GORASP2: variants seen among roughly 807,000 people sequenced by gnomAD.
GORASP2 encodes the protein golgi reassembly stacking protein 2.
In GORASP2, 22 loss-of-function variants were observed where a neutral mutation model predicts 45.7. That is an observed-to-expected ratio of 0.48 (90% confidence interval 0.34 to 0.69). GORASP2 has a LOEUF of 0.69. GORASP2 is among the 30% of genes least tolerant of loss of function. The pLI, the probability that GORASP2 is intolerant of heterozygous loss-of-function variation, is 0.01. For missense variants in GORASP2, 491 were observed against 562.7 expected, an observed-to-expected ratio of 0.87 and a Z score of 1.29; for synonymous variants, 221 against 215.6, an observed-to-expected ratio of 1.02 and a Z score of -0.22.
At chr2:170,937,585 C>G (rs955596277) in intron 1 of GORASP2, among the ~76,000 whole-genome samples, 12 of 152,008 alleles carry the variant, frequency 7.9e-5, no homozygotes, top group African/African-American at 2.9e-4. Flanking sequence ...GGAAGGATTG[C>G]TTGAGCCCAG....
chr2:170,937,079 G>A lies in GORASP2; in HGVS notation c.63+7676G>A, dbSNP rs145574500. On this transcript the variant is annotated intron_variant, in intron 1 of 9. Transcript: ENST00000234160. ...AAGAATTAGACCGGCATGATGGCGC[G>A]TGCCTGTAATCCCAGCTACTCAGGA... Among the ~76,000 whole-genome samples the A allele has an allele frequency of 1.5e-3, 235 of 152,068 alleles. 2 individuals are homozygous for A. The highest frequency in any genetic ancestry group is 5.5e-3 in the African/African-American group (227 of 41,494).
intron 1 of GORASP2, among the ~76,000 whole-genome samples, chr2:170,940,925 T>C (rs1358467678): frequency 6.6e-6 from 1 of 152,200 alleles, no homozygotes; most frequent in African/African-American, 2.4e-5. Context: ...TGACACCACT[T>C]TAGGGATTAT....
At chr2:170,953,179 A>G (rs73025267) in intron 5 of GORASP2, among the ~76,000 whole-genome samples, 5,231 of 151,974 alleles carry the variant, frequency 0.034, 139 homozygotes, top group African/African-American at 0.071. Flanking sequence ...AACCTGAAGA[A>G]CCGTTGTCTC....
rs540227619 is a variant in GORASP2 at position 170,966,224 on chromosome 2, C to T, written c.*94C>T. ...TCATTAATTTCATACTAGTTTGTAC[C>T]GTATCTGTAGGCATCCTGTAAATAA... On this transcript the variant is annotated 3_prime_UTR_variant, in exon 10 of 10. Transcript: ENST00000234160. 5.1e-5 allele frequency: 46 copies of T among 895,714 alleles called. No homozygotes were observed. The highest frequency in any genetic ancestry group is 7.6e-5 in the Non-Finnish European group (42 of 552,966). The allele number at this position is 895,714 out of a possible 1,614,324, so 55.5% of individuals were successfully genotyped here.
At chr2:170,949,980 T>C in intron 3 of GORASP2, 1 of 536,128 alleles carries the variant, frequency 1.9e-6, no homozygotes. Context: ...TAAGATGTGT[T>C]AGAGTAGATA....
At chr2:170,955,296 T>C (rs1434103324) in intron 6 of GORASP2, among the ~76,000 whole-genome samples, 1 of 152,036 alleles carries the variant, frequency 6.6e-6, no homozygotes, top group African/African-American at 2.4e-5. Flanking sequence ...GCAGAGTGAA[T>C]AGGTGAAAAG....
Position 170,957,282 on chromosome 2 carries a change from C to T in GORASP2, c.823+723C>T, listed in dbSNP as rs1455009522. ...GACATGTGCCTGTCTCCTTCCTTTT[C>T]TTTTTTTTTTTGAAACAGAGTTTCA... On this transcript the variant is annotated intron_variant, in intron 7 of 9. Coordinates refer to ENST00000234160, the MANE Select transcript of GORASP2 (RefSeq NM_015530.5). Among the ~76,000 whole-genome samples the T allele has an allele frequency of 2.7e-5, 4 of 147,266 alleles. No homozygotes were observed. In the East Asian group the frequency reaches 7.9e-4, roughly 29 times the overall value.
At chr2:170,952,629 G>A (rs1243406498) in intron 5 of GORASP2, among the ~76,000 whole-genome samples, 1 of 152,140 alleles carries the variant, frequency 6.6e-6, no homozygotes, top group African/African-American at 2.4e-5. Flanking sequence ...GGCCATAATT[G>A]ATCACTATAA....
At chr2:170,934,360 C>T (rs1313664545) in intron 1 of GORASP2, among the ~76,000 whole-genome samples, 1 of 151,692 alleles carries the variant, frequency 6.6e-6, no homozygotes, top group Non-Finnish European at 1.5e-5. Flanking sequence ...CTGCAACCTC[C>T]CGGGTTCTCC....
chr2:170,965,686 A>T (rs1364601997), intron 9 of GORASP2, 104 bp from the exon 10 acceptor site: 1 of 827,316 alleles, frequency 1.2e-6, no homozygotes, highest in Admixed American at 2.0e-5. Context: ...TACCTCCTCA[A>T]CTTCAGTTTC....
chr2:170,958,637 C>T (rs1448211832), intron 7 of GORASP2, among the ~76,000 whole-genome samples: 8 of 145,226 alleles, frequency 5.5e-5, no homozygotes, highest in African/African-American at 1.0e-4. Flanking sequence ...TTAGAGTAAG[C>T]GTGTTTCCAG....
intron 1 of GORASP2, among the ~76,000 whole-genome samples, chr2:170,940,788 A>G (rs551072752): frequency 2.0e-5 from 3 of 152,304 alleles, no homozygotes; most frequent in South Asian, 2.1e-4. Context: ...TTCATGAAGA[A>G]TATAGGCCTT....
At chr2:170,958,678 A>ATT (rs1294899402) in intron 7 of GORASP2, among the ~76,000 whole-genome samples, 957 of 63,090 alleles carry the variant, frequency 0.015, 2 homozygotes, top group African/African-American at 0.024. Context: ...TTTTTTTAAA[A>ATT]AAAAAAAAAA....
chr2:170,943,772 G>C (rs10930448), intron 1 of GORASP2, among the ~76,000 whole-genome samples: 91,166 of 152,048 alleles, frequency 0.6, 29,102 homozygotes, highest in East Asian at 0.95. Context: ...TCCTGGGCTC[G>C]AGCAATCCTC....
rs1355687614 is a variant in GORASP2 at position 170,966,129 on chromosome 2, A to T, written c.1358A>T (p.Ter453LeuextTer2). ...AVDANASESP* is the reference protein window; with the variant it reads ...AVDANASESPL The stretch of plus-strand genomic sequence containing the variant: ...GATGCCAATGCTTCTGAGTCACCTT[A>T]ACTTTGAACCATTCTTTGGAATTGG... The change falls in exon 10 of 10, where the codon TAA (stop) becomes TTA (leucine). Residue 453 changes from the stop codon to leucine (L), a stop_lost. Coordinates refer to ENST00000234160, the MANE Select transcript of GORASP2 (RefSeq NM_015530.5). 1 of 1,608,522 alleles carries T rather than the reference A, an allele frequency of 6.2e-7. No individual in the cohort carries two copies. Among genetic ancestry groups the T allele is most frequent in the Admixed American group, 1.7e-5 (1 of 59,998 alleles).
chr2:170,952,740 A>G (rs1409943952), intron 5 of GORASP2, among the ~76,000 whole-genome samples: 1 of 152,060 alleles, frequency 6.6e-6, no homozygotes, highest in Admixed American at 6.6e-5. Flanking sequence ...CTGGAGCACA[A>G]TCATAGTTCA....
chr2:170,933,036 G>C (rs985199787), intron 1 of GORASP2, among the ~76,000 whole-genome samples: 2 of 151,932 alleles, frequency 1.3e-5, no homozygotes, highest in African/African-American at 4.8e-5. Context: ...TTAGTGGATG[G>C]TGACTTTTTT....
intron 2 of GORASP2, among the ~76,000 whole-genome samples, chr2:170,949,136 A>C (rs1333450794): frequency 6.6e-6 from 1 of 152,166 alleles, no homozygotes. Flanking sequence ...GCTCTTAATA[A>C]AGCATGTATT....
rs1200241547 is a variant in GORASP2 at position 170,966,017 on chromosome 2, C to T, written c.1246C>T (p.Pro416Ser). 5 of 1,613,140 alleles carry T rather than the reference C, an allele frequency of 3.1e-6. No individual in the cohort carries two copies. The African/African-American group carries it at 4.0e-5, about 13-fold the overall frequency. ...CTCCTCACTCACTGTGGATGTGACG[C>T]CCCCCACTGCCAAGGCCCCCACCAC... ...AASSLTVDVT[P>S]PTAKAPTTVE... The change falls in exon 10 of 10, where the codon CCC becomes TCC. Residue 416 changes from proline (P) to serine (S), a missense_variant. Around this residue, in one of 2 missense-constraint regions of GORASP2, gnomAD observed 297 missense variants for 292.3 expected, o/e 1.02. Transcript: ENST00000234160.
Sources: gnomAD v4.1 joint callset for allele counts (sites outside exome capture counted in the v4.1 genomes callset) on GRCh38, gnomAD v4.1.1 for gene constraint, gnomAD v4.1.1 regional missense constraint, MANE v1.5 for transcripts, NCBI Gene and HGNC (gene_info 2026-07-23, HGNC 2026-07-21) for gene names.